CSMD1: variants seen among roughly 807,000 people sequenced by gnomAD.
CSMD1 encodes the protein CUB and sushi domain-containing protein 1.
Under a neutral mutation model 417.5 loss-of-function variants are expected in CSMD1, and 213 were observed. The ratio of observed to expected loss-of-function variants is 0.51; its 90% confidence interval spans 0.46 to 0.57. CSMD1 has a LOEUF of 0.57. Ranked by LOEUF, CSMD1 falls within the 20% of genes least tolerant of loss-of-function variation. The pLI is 0.00. For missense variants in CSMD1, 6,923 were observed against 4,529.7 expected (o/e 1.53, Z -15.17); for synonymous variants, 2,862 against 1,736.8 (o/e 1.65, Z -16.11).
chr8:3,013,586 A>C (rs1808584810), intron 52 of CSMD1, among the ~76,000 whole-genome samples: 2 of 152,026 alleles, frequency 1.3e-5, no homozygotes, highest in African/African-American at 4.8e-5. Flanking sequence ...CCCCGTCTCC[A>C]CTAAAAATGC....
Position 4,445,030 on chromosome 8 carries a change from C to T in CSMD1, c.303-24965G>A, listed in dbSNP as rs74639322. Among the ~76,000 whole-genome samples, 363 of 152,190 alleles carry T rather than the reference C, an allele frequency of 2.4e-3. 2 individuals are homozygous for T. The highest frequency in any genetic ancestry group is 8.5e-3 in the African/African-American group (354 of 41,512). Reference sequence around the variant, plus strand: ...CAGGTGTTAAAATGAAAACCTATACCCATATTGAAATCACTGCACATTTAT... The same window carrying T: ...CAGGTGTTAAAATGAAAACCTATACTCATATTGAAATCACTGCACATTTAT... On this transcript the variant is annotated intron_variant, in intron 2 of 69. Transcript: ENST00000635120.
intron 5 of CSMD1, among the ~76,000 whole-genome samples, chr8:3,968,872 C>A (rs1295443337): frequency 6.6e-6 from 1 of 152,196 alleles, no homozygotes; most frequent in Non-Finnish European, 1.5e-5. Context: ...ATCATCTTTT[C>A]TTGCAAGAAA....
chr8:4,487,109 G>A (rs1801453171), intron 2 of CSMD1, among the ~76,000 whole-genome samples: 1 of 152,104 alleles, frequency 6.6e-6, no homozygotes, highest in Non-Finnish European at 1.5e-5. Context: ...CCTCAAGGAA[G>A]AATACCAGAT....
chr8:4,795,611 T>C, intron 1 of CSMD1, among the ~76,000 whole-genome samples: 1 of 152,180 alleles, frequency 6.6e-6, no homozygotes, highest in South Asian at 2.1e-4. Context: ...TCTTTAACCA[T>C]AACAACACAC....
At chr8:4,166,744 A>G (rs1011244578) in intron 3 of CSMD1, among the ~76,000 whole-genome samples, 1 of 152,208 alleles carries the variant, frequency 6.6e-6, no homozygotes, top group Non-Finnish European at 1.5e-5. Context: ...TATTGCCCCA[A>G]AACTATTGAA....
In CSMD1 at chr8:3,797,050, G is replaced by A. The variant is rs1800192179; in HGVS notation, c.819-43008C>T. 2.0e-5 allele frequency among the ~76,000 whole-genome samples: 3 copies of A among 151,818 alleles called. No individual in the cohort carries two copies. The South Asian group carries it at 6.2e-4, about 31-fold the overall frequency. On this transcript the variant is annotated intron_variant, in intron 5 of 69. Coordinates refer to ENST00000635120, the MANE Select transcript of CSMD1 (RefSeq NM_033225.6). ...TTAAAAATATATCAGCACATACGTGGTAGGGCAATGTATCACTTATTAAGA... is the reference window on the plus strand; with the variant it reads ...TTAAAAATATATCAGCACATACGTGATAGGGCAATGTATCACTTATTAAGA...
At chr8:4,731,352 G>A (rs771980024) in intron 1 of CSMD1, among the ~76,000 whole-genome samples, 45 of 152,188 alleles carry the variant, frequency 3.0e-4, no homozygotes, top group Non-Finnish European at 5.6e-4. Flanking sequence ...CGGCCATTCA[G>A]GGACTGGAGC....
intron 55 of CSMD1, among the ~76,000 whole-genome samples, chr8:2,975,383 A>C (rs1407964465): frequency 6.6e-6 from 1 of 152,204 alleles, no homozygotes; most frequent in Non-Finnish European, 1.5e-5. Flanking sequence ...ATTTTTATCT[A>C]TATGCAAAAA....
intron 12 of CSMD1, among the ~76,000 whole-genome samples, chr8:3,464,565 A>G (rs905822348): frequency 9.3e-5 from 14 of 150,252 alleles, no homozygotes; most frequent in Non-Finnish European, 1.8e-4. Context: ...TATCTATTAT[A>G]AATATGATTT....
intron 10 of CSMD1, among the ~76,000 whole-genome samples, 182 bp downstream of exon 10, chr8:3,574,763 C>T (rs763775280): frequency 2.0e-5 from 3 of 152,216 alleles, no homozygotes; most frequent in African/African-American, 4.8e-5. Flanking sequence ...ACTCACTTTG[C>T]ATCTGAATCT....
intron 5 of CSMD1, among the ~76,000 whole-genome samples, chr8:3,963,549 C>T (rs566678861): frequency 3.3e-5 from 5 of 151,832 alleles, no homozygotes; most frequent in African/African-American, 4.8e-5. Flanking sequence ...ACATAAAATT[C>T]GTATTTCAAT....
At chr8:4,585,406 G>C (rs1247195183) in intron 2 of CSMD1, among the ~76,000 whole-genome samples, 1 of 152,068 alleles carries the variant, frequency 6.6e-6, no homozygotes, top group African/African-American at 2.4e-5. Flanking sequence ...GAAACTAATA[G>C]TAAATGAAGA....
chr8:3,109,023 G>T (rs913739435), intron 43 of CSMD1, among the ~76,000 whole-genome samples: 2 of 152,150 alleles, frequency 1.3e-5, no homozygotes, highest in African/African-American at 4.8e-5. Flanking sequence ...CCAGCACTTT[G>T]GGAGGCCAAG....
At chr8:4,348,085 C>T (rs1800876840) in intron 3 of CSMD1, among the ~76,000 whole-genome samples, 1 of 152,010 alleles carries the variant, frequency 6.6e-6, no homozygotes, top group African/African-American at 2.4e-5. Flanking sequence ...AAACCAGTGG[C>T]CCAGGAAAAG....
At chr8:3,595,982 G>T (rs973415011) in intron 8 of CSMD1, among the ~76,000 whole-genome samples, 1 of 152,174 alleles carries the variant, frequency 6.6e-6, no homozygotes, top group Non-Finnish European at 1.5e-5. Context: ...CAAGGTGAAA[G>T]CCCCTTTGCC....
At chr8:4,862,972 G>A (rs546559616) in intron 1 of CSMD1, among the ~76,000 whole-genome samples, 7 of 152,060 alleles carry the variant, frequency 4.6e-5, no homozygotes, top group Admixed American at 2.0e-4. Context: ...AAGTCAGGGT[G>A]CCCAAGAGGG....
chr8:3,140,424 T>C (rs895357047), intron 41 of CSMD1, among the ~76,000 whole-genome samples: 6 of 152,102 alleles, frequency 3.9e-5, no homozygotes, highest in African/African-American at 1.4e-4. Context: ...TGCTAAGTAG[T>C]AAGAAAATAA....
rs372879712 is a variant in CSMD1, at chr8:4,459,188, A to C, written c.303-39123T>G. ...GGATAAACTGCAGATGAGTTTGGCC[A>C]ACAGGCCATGTCGCTTTCAAGTTCC... is the stretch of plus-strand genomic sequence containing the variant. On this transcript the variant is annotated intron_variant, in intron 2 of 69. Coordinates refer to ENST00000635120, the MANE Select transcript of CSMD1 (RefSeq NM_033225.6). Among the ~76,000 whole-genome samples the C allele has an allele frequency of 3.2e-4, 49 of 152,332 alleles. 1 individual carries two copies. The East Asian group carries it at 6.8e-3, about 21-fold the overall frequency.
At chr8:3,815,749 A>G (rs977675699) in intron 5 of CSMD1, among the ~76,000 whole-genome samples, 1 of 152,032 alleles carries the variant, frequency 6.6e-6, no homozygotes, top group African/African-American at 2.4e-5. Context: ...CATAACATGG[A>G]AAGTCATAAA....
Sources: gnomAD v4.1 joint callset for allele counts (sites outside exome capture counted in the v4.1 genomes callset) on GRCh38, gnomAD v4.1.1 for gene constraint, MANE v1.5 for transcripts, NCBI Gene and HGNC (gene_info 2026-07-23, HGNC 2026-07-21) for gene names.